Variants in TXNRD3 observed in about 807,000 individuals in gnomAD.
TXNRD3 encodes thioredoxin reductase 3, also known as TXNRD3 neighbor gene protein.
A neutral mutation model predicts 78.2 loss-of-function variants in TXNRD3; 68 were observed. That is an observed-to-expected ratio of 0.87 (90% CI 0.72 to 1.06). The LOEUF (loss-of-function observed/expected upper bound fraction) is 1.06. TXNRD3 is among the 50% of genes least tolerant of loss of function. The pLI is 0.00. For synonymous variants in TXNRD3, 296 were observed against 300.1 expected (o/e 0.99, Z 0.14); for missense variants, 751 against 809.5 (o/e 0.93, Z 0.88).
chr3:126,641,693 A>G (rs984424901), intron 6 of TXNRD3, among the ~76,000 whole-genome samples: 10 of 152,202 alleles, frequency 6.6e-5, no homozygotes, highest in African/African-American at 1.9e-4. Context: ...ACCACTGAGA[A>G]AAAATGTTAT....
At chr3:126,621,132 C>G (rs1419037200) in intron 12 of TXNRD3, among the ~76,000 whole-genome samples, 1 of 152,210 alleles carries the variant, frequency 6.6e-6, no homozygotes, top group Non-Finnish European at 1.5e-5. Flanking sequence ...TTGAATTACT[C>G]ATCCTATAAA....
At chr3:126,653,833 G>A (rs554144700) in intron 1 of TXNRD3, among the ~76,000 whole-genome samples, 5 of 152,180 alleles carry the variant, frequency 3.3e-5, no homozygotes, top group African/African-American at 1.2e-4. Context: ...TTCATCCCAG[G>A]GAATAGTCAG....
At chr3:126,632,176 G>A (rs753878619) in intron 7 of TXNRD3, among the ~76,000 whole-genome samples, 3 of 152,088 alleles carry the variant, frequency 2.0e-5, no homozygotes, top group Non-Finnish European at 4.4e-5. Flanking sequence ...GGAGAGGAAC[G>A]GAGACCTGGA....
At chr3:126,650,506 T>C (rs777536727) in intron 1 of TXNRD3, among the ~76,000 whole-genome samples, 21 of 151,988 alleles carry the variant, frequency 1.4e-4, no homozygotes, top group Non-Finnish European at 2.6e-4. Flanking sequence ...TGAGGTGTGG[T>C]GGCATGCACC....
At chr3:126,654,670 C>T in intron 1 of TXNRD3, 78 bp downstream of exon 1, 1 of 1,035,152 alleles carries the variant, frequency 9.7e-7, no homozygotes, top group Non-Finnish European at 1.2e-6. Flanking sequence ...CGCCCCGGCC[C>T]GGACCCGCCC....
At chr3:126,632,195 C>T (rs1270449568) in intron 7 of TXNRD3, among the ~76,000 whole-genome samples, 1 of 151,980 alleles carries the variant, frequency 6.6e-6, no homozygotes, top group Non-Finnish European at 1.5e-5. Flanking sequence ...GAAGACAGAA[C>T]AATGCGCACA....
chr3:126,617,249 C>A (rs1429113992), intron 12 of TXNRD3, among the ~76,000 whole-genome samples: 1 of 152,178 alleles, frequency 6.6e-6, no homozygotes, highest in Non-Finnish European at 1.5e-5. Flanking sequence ...TTTCTTTATA[C>A]TCTACACATA....
rs1422159155 is a variant in TXNRD3, at chr3:126,629,439, C to T, written c.1230G>A (p.Lys410=). ...CAGTGGATTTAGCCAACACTTTCAG[C>T]TTTCCAGGTGAACCTTTCTCCAACT... is the stretch of plus-strand genomic sequence containing the variant. The change falls in exon 10 of 16, where the codon AAG becomes AAA. Residue 410 remains lysine, a synonymous_variant. Coordinates refer to ENST00000524230, the MANE Select transcript of TXNRD3 (RefSeq NM_052883.3). 1 of 1,535,438 alleles carries T rather than the reference C, an allele frequency of 6.5e-7. No homozygotes were observed. The highest frequency in any genetic ancestry group is 1.4e-5 in the African/African-American group (1 of 73,024).
chr3:126,638,814 GAA>G (rs1325451108), intron 6 of TXNRD3, among the ~76,000 whole-genome samples: 2 of 152,206 alleles, frequency 1.3e-5, no homozygotes, highest in Non-Finnish European at 2.9e-5. Flanking sequence ...CCCATTCAAG[GAA>G]ATTAGAAAGT....
chr3:126,611,428 C>T (rs916095044), intron 13 of TXNRD3, among the ~76,000 whole-genome samples: 3 of 152,330 alleles, frequency 2.0e-5, no homozygotes, highest in Non-Finnish European at 2.9e-5. Flanking sequence ...AGGCAGAGCA[C>T]TAGGCACAGG....
intron 3 of TXNRD3, 86 bp from the exon 4 acceptor site, chr3:126,644,487 A>G: frequency 1.2e-6 from 1 of 860,316 alleles, no homozygotes; most frequent in Non-Finnish European, 1.7e-6. Context: ...ACTGGTATGG[A>G]TTTCTTTTAT....
chr3:126,649,245 TG>T (rs1933316167), intron 1 of TXNRD3, among the ~76,000 whole-genome samples: 2 of 152,244 alleles, frequency 1.3e-5, no homozygotes. Flanking sequence ...CGTGAAAAGT[TG>T]TTCATCATCA....
intron 10 of TXNRD3, among the ~76,000 whole-genome samples, chr3:126,624,424 CTTTT>C (rs34255927): frequency 7.0e-5 from 10 of 142,126 alleles, no homozygotes; most frequent in African/African-American, 2.3e-4. Flanking sequence ...AATGGTCTTT[CTTTT>C]TTTTTTTTTT....
At chr3:126,609,149 G>C in intron 14 of TXNRD3, 1 of 446,790 alleles carries the variant, frequency 2.2e-6, no homozygotes, top group Non-Finnish European at 4.5e-6. Flanking sequence ...ACCAAGATGG[G>C]AAGCAAGATG....
rs1240685318 is a variant in TXNRD3, at chr3:126,642,035, G to T, written c.709C>A (p.Gln237Lys). The T allele has an allele frequency of 2.0e-6, 3 of 1,533,092 alleles. No individual in the cohort carries two copies. The Admixed American group carries it at 6.0e-5, about 30-fold the overall frequency. The allele number at this position is 1,533,092 out of a possible 1,614,324, so 95.0% of individuals were successfully genotyped here. Residue 237 changes from glutamine to lysine, a missense_variant, in exon 6 of 16, where the codon CAA (glutamine) becomes AAA (lysine). Physicochemically the swap from Gln to Lys is moderately conservative, Grantham distance 53. Coordinates refer to ENST00000524230, the MANE Select transcript of TXNRD3 (RefSeq NM_052883.3). ...TACTTTATGAACCATTACTCACCTT[G>T]TTGATTATATTCCCAGCCAAATTTC...
chr3:126,613,973 C>T (rs1224804403), intron 13 of TXNRD3, among the ~76,000 whole-genome samples: 1 of 152,176 alleles, frequency 6.6e-6, no homozygotes, highest in Non-Finnish European at 1.5e-5. Context: ...GGTGACAGCT[C>T]CATGTGTGTT....
intron 13 of TXNRD3, 115 bp from the exon 14 acceptor site, chr3:126,611,247 A>T: frequency 1.8e-6 from 1 of 570,918 alleles, no homozygotes; most frequent in Non-Finnish European, 2.7e-6. Context: ...GGAAATTCAA[A>T]GTTCAGTGAC....
intron 13 of TXNRD3, among the ~76,000 whole-genome samples, chr3:126,612,434 T>C (rs1471307929): frequency 6.6e-6 from 1 of 152,104 alleles, no homozygotes; most frequent in Non-Finnish European, 1.5e-5. Flanking sequence ...AAAATACACC[T>C]CTAAGGTTAA....
At chr3:126,611,406 A>G (rs1938196099) in intron 13 of TXNRD3, among the ~76,000 whole-genome samples, 1 of 152,226 alleles carries the variant, frequency 6.6e-6, no homozygotes, top group Non-Finnish European at 1.5e-5. Context: ...TGTATAGAGT[A>G]CCAGCAACCC....
Sources: allele counts gnomAD v4.1 joint callset (sites outside exome capture counted in the v4.1 genomes callset), GRCh38; gene constraint gnomAD v4.1.1; transcripts MANE v1.5; gene names NCBI Gene and HGNC (gene_info 2026-07-23, HGNC 2026-07-21).